The following HEPHL1 variants were observed in gnomAD, a reference collection of about 807,000 sequenced individuals.
The protein encoded by HEPHL1 is hephaestin like 1.
A neutral mutation model predicts 122.0 loss-of-function variants in HEPHL1; 123 were observed. The ratio of observed to expected loss-of-function variants is 1.01; its 90% CI spans 0.87 to 1.17. The LOEUF (loss-of-function observed/expected upper bound fraction) is 1.17, where lower values mean the gene tolerates loss of function less well. Ranked by LOEUF, HEPHL1 falls within the 50% of genes most tolerant of loss-of-function variation. The pLI, the probability that HEPHL1 is intolerant of heterozygous loss-of-function variation, is 0.00. For missense variants in HEPHL1, 1,452 were observed against 1,430.5 expected, an observed-to-expected ratio of 1.01 and a Z score of -0.24; for synonymous variants, 527 against 508.9, an observed-to-expected ratio of 1.04 and a Z score of -0.48.
rs773069240 is a variant in HEPHL1 at position 94,021,394 on chromosome 11, G to A, written c.26G>A (p.Cys9Tyr). Residue 9 changes from cysteine (C) to tyrosine (Y), a missense_variant, in exon 1 of 20, where the codon TGC becomes TAC. Cys to Tyr is a radical substitution (Grantham distance 194, BLOSUM62 -2). Coordinates refer to ENST00000315765, the MANE Select transcript of HEPHL1 (RefSeq NM_001098672.2). ...ATGCCTCGGAAGCAGCCAGCTGGCT[G>A]CATCTTTCTCCTCACATTCCTGGGT... is the stretch of plus-strand genomic sequence containing the variant. Reference protein sequence around the residue: MPRKQPAGCIFLLTFLGLS... With the variant: MPRKQPAGYIFLLTFLGLS... 6 of 1,613,188 alleles carry A rather than the reference G, an allele frequency of 3.7e-6. No homozygotes were observed. Among genetic ancestry groups the A allele is most frequent in the South Asian group, 2.2e-5 (2 of 90,910 alleles).
At chr11:94,085,956 C>T (rs370027823) in intron 10 of HEPHL1, 21 bp from the exon 11 acceptor site, 42 of 1,587,280 alleles carry the variant, frequency 2.6e-5, no homozygotes, top group Middle Eastern at 1.7e-4. Context: ...AATTTTTCAC[C>T]GTCTTTCTTC....
chr11:94,097,752 A>T (rs1364491426), intron 13 of HEPHL1, among the ~76,000 whole-genome samples: 1 of 152,152 alleles, frequency 6.6e-6, no homozygotes, highest in Non-Finnish European at 1.5e-5. Flanking sequence ...TGTTGAATTG[A>T]TCCCTTTACC....
At chr11:94,083,157 C>T (rs1946186445) in intron 10 of HEPHL1, among the ~76,000 whole-genome samples, 1 of 151,932 alleles carries the variant, frequency 6.6e-6, no homozygotes, top group Non-Finnish European at 1.5e-5. Context: ...TGACAAACTA[C>T]TCTCCCTTGG....
intron 14 of HEPHL1, among the ~76,000 whole-genome samples, chr11:94,102,670 C>T (rs567165933): frequency 1.1e-4 from 16 of 152,236 alleles, no homozygotes; most frequent in Non-Finnish European, 8.8e-5. Flanking sequence ...GAATACACAC[C>T]AGTTGACAAT....
chr11:94,031,393 G>A (rs1477745374), intron 1 of HEPHL1, among the ~76,000 whole-genome samples: 1 of 149,692 alleles, frequency 6.7e-6, no homozygotes, highest in Non-Finnish European at 1.5e-5. Flanking sequence ...CTTTACATAC[G>A]GCTCTGCAAT....
chr11:94,027,450 G>A (rs968064899), intron 1 of HEPHL1, among the ~76,000 whole-genome samples: 3 of 152,180 alleles, frequency 2.0e-5, no homozygotes, highest in Non-Finnish European at 4.4e-5. Context: ...TGGAGAGCAG[G>A]AGCCCTGGGG....
rs373116745 is a variant in HEPHL1, at chr11:94,043,930, T to C, written c.171-1743T>C. On this transcript the variant is annotated intron_variant, in intron 1 of 19. Coordinates refer to ENST00000315765, the MANE Select transcript of HEPHL1 (RefSeq NM_001098672.2). Reference sequence around the variant, plus strand: ...TGATGGCAGGGCTTGGTATAATTAATATTTGTTGGATAACTGAGAGAGAAT... The same window carrying C: ...TGATGGCAGGGCTTGGTATAATTAACATTTGTTGGATAACTGAGAGAGAAT... Among the ~76,000 whole-genome samples the C allele has an allele frequency of 2.5e-4, 38 of 152,088 alleles. No individual in the cohort carries two copies. The East Asian group carries it at 6.4e-3, about 26-fold the overall frequency.
chr11:94,076,707 C>T (rs2134435947), intron 9 of HEPHL1, among the ~76,000 whole-genome samples: 1 of 152,218 alleles, frequency 6.6e-6, no homozygotes, highest in Non-Finnish European at 1.5e-5. Context: ...TCAAGAGTTA[C>T]TTATGAAATA....
chr11:94,093,665 A>G, intron 13 of HEPHL1, 25 bp downstream of exon 13: 1 of 1,606,170 alleles, frequency 6.2e-7, no homozygotes, highest in Non-Finnish European at 8.5e-7. Context: ...TCAGGCGTGC[A>G]CTGTCAGCCC....
At position 94,023,130 on chromosome 11, in the gene HEPHL1, A is replaced by C. The variant is rs185751218; in HGVS notation, c.170+1592A>C. Among the ~76,000 whole-genome samples, 540 of 152,306 alleles carry C rather than the reference A, an allele frequency of 3.5e-3. 11 individuals are homozygous for C. The highest frequency in any genetic ancestry group is 3.4e-4 in the Non-Finnish European group (23 of 68,030). On this transcript the variant is annotated intron_variant, in intron 1 of 19. Transcript: ENST00000315765. ...CCAGGAACCAAGGCTCTGAGGTTAA[A>C]TACTTGCCGGAGTTTATAAGTAAGT... is the stretch of plus-strand genomic sequence containing the variant.
chr11:94,082,534 A>C lies in HEPHL1; in HGVS notation c.1833A>C (p.Glu611Asp), dbSNP rs766188707. 1 of 1,612,468 alleles carries C rather than the reference A, an allele frequency of 6.2e-7. No homozygotes were observed. Among genetic ancestry groups the C allele is most frequent in the Non-Finnish European group, 8.5e-7 (1 of 1,179,424 alleles). The change falls in exon 10 of 20, where the codon GAA becomes GAC. Residue 611 changes from glutamate to aspartate, a missense_variant. Coordinates refer to ENST00000315765, the MANE Select transcript of HEPHL1 (RefSeq NM_001098672.2). ...GGCATCCCTTCAGCATTGACAAAGA[A>C]GATAAAGAGTTTGTGAAATCCAACC... Reference protein sequence around the residue: ...FIWHPFSIDKEDKEFVKSNRM... With the variant: ...FIWHPFSIDKDDKEFVKSNRM...
intron 2 of HEPHL1, chr11:94,055,335 G>A: frequency 3.8e-6 from 1 of 260,930 alleles, no homozygotes; most frequent in Admixed American, 4.1e-5. Flanking sequence ...ATGTGTCAAG[G>A]ACACATCATC....
chr11:94,090,929 C>T (rs1946259862), intron 12 of HEPHL1, among the ~76,000 whole-genome samples: 1 of 152,132 alleles, frequency 6.6e-6, no homozygotes, highest in Non-Finnish European at 1.5e-5. Context: ...CTCAGCATCC[C>T]AGAAAGCCAA....
chr11:94,104,966 G>C (rs1438401164), intron 16 of HEPHL1, among the ~76,000 whole-genome samples: 1 of 152,180 alleles, frequency 6.6e-6, no homozygotes, highest in Non-Finnish European at 1.5e-5. Flanking sequence ...AACTTGTAGG[G>C]ACATGTATTT....
chr11:94,089,591 G>C (rs935269059), intron 12 of HEPHL1, among the ~76,000 whole-genome samples: 2 of 152,198 alleles, frequency 1.3e-5, no homozygotes, highest in Admixed American at 1.3e-4. Context: ...AGCCTTGTAA[G>C]CATTGCTCCT....
Position 94,085,043 on chromosome 11 carries a change from T to C in HEPHL1, c.1868-934T>C, listed in dbSNP as rs534238252. Among the ~76,000 whole-genome samples, 14 of 152,326 alleles carry C rather than the reference T, an allele frequency of 9.2e-5. 1 individual carries two copies. The South Asian group carries it at 2.1e-3, about 23-fold the overall frequency. ...AGAAGGTCACTCATGTGCATGATAA[T>C]AGTTCCTTCCTGCTATAGGCTTAGT... On this transcript the variant is annotated intron_variant, in intron 10 of 19. Transcript: ENST00000315765.
In HEPHL1 at chr11:94,098,460, T is replaced by G. The variant is rs183472426; in HGVS notation, c.2435-2735T>G. Reference sequence around the variant, plus strand: ...TGCCCATAACATTTTTTCCTTCATTTCAGCTTTGGTGAATCTGACAATTAT... The same window carrying G: ...TGCCCATAACATTTTTTCCTTCATTGCAGCTTTGGTGAATCTGACAATTAT... On this transcript the variant is annotated intron_variant, in intron 13 of 19. Transcript: ENST00000315765. Among the ~76,000 whole-genome samples, 29 of 152,358 alleles carry G rather than the reference T, an allele frequency of 1.9e-4. 1 individual carries two copies. In the East Asian group the frequency reaches 5.6e-3, roughly 29 times the overall value.
In HEPHL1 at chr11:94,112,629, T is replaced by C. The variant is rs992258167; in HGVS notation, c.*735T>C. The C allele has an allele frequency of 6.6e-6, 1 of 152,264 alleles. No homozygotes were observed. The highest frequency in any genetic ancestry group is 2.4e-5 in the African/African-American group (1 of 41,472). 9.4% of individuals were successfully genotyped at this position (152,264 alleles called of 1,614,324 possible). A position where few individuals can be genotyped will look rare whatever the true frequency, so the allele number is the denominator to read the frequency against. On this transcript the variant is annotated 3_prime_UTR_variant, in exon 20 of 20. Transcript: ENST00000315765. ...TTACAATATGTTTCTGTGGCAATGT[T>C]TGTACTTTCAAAAATCAAGTAGAGA...
intron 9 of HEPHL1, among the ~76,000 whole-genome samples, chr11:94,079,280 G>C (rs945828824): frequency 2.6e-5 from 4 of 152,018 alleles, no homozygotes; most frequent in Admixed American, 2.6e-4. Context: ...CTTCACAGTG[G>C]GTGAACAGAA....
Sources: gnomAD v4.1 joint callset for allele counts (sites outside exome capture counted in the v4.1 genomes callset) on GRCh38, gnomAD v4.1.1 for gene constraint, MANE v1.5 for transcripts, NCBI Gene and HGNC (gene_info 2026-07-23, HGNC 2026-07-21) for gene names.